The following TENM2 variants were observed in gnomAD, a reference collection of about 807,000 sequenced individuals.
TENM2 encodes the protein teneurin transmembrane protein 2.
Under a neutral mutation model 245.2 loss-of-function variants are expected in TENM2, and 52 were observed. The ratio of observed to expected loss-of-function variants is 0.21; its 90% CI spans 0.17 to 0.27. TENM2 has a LOEUF of 0.27. Ranked by LOEUF, TENM2 falls within the 10% of genes least tolerant of loss-of-function variation. The probability of loss-of-function intolerance (pLI) is 1.00; values close to 1 mark genes in which losing one functional copy is unlikely to be tolerated. For synonymous variants in TENM2, 1,363 were observed against 1,438.9 expected (o/e 0.95, Z 1.19); for missense variants, 3,046 against 3,666.8 (o/e 0.83, Z 4.37).
chr5:167,867,017 A>C (rs531098891), intron 2 of TENM2, among the ~76,000 whole-genome samples: 67 of 152,366 alleles, frequency 4.4e-4, no homozygotes, highest in African/African-American at 1.5e-3. Flanking sequence ...GGACAACTAC[A>C]CATGACCAAC....
intron 5 of TENM2, among the ~76,000 whole-genome samples, chr5:168,015,521 G>C (rs992559046): frequency 3.3e-5 from 5 of 152,230 alleles, no homozygotes; most frequent in Non-Finnish European, 7.3e-5. Context: ...GAATCGGAAA[G>C]AGAAAGAATG....
chr5:167,504,249 C>T (rs1356143752), intron 2 of TENM2, among the ~76,000 whole-genome samples: 2 of 152,088 alleles, frequency 1.3e-5, no homozygotes, highest in African/African-American at 2.4e-5. Flanking sequence ...TAAAGTGAAA[C>T]GTGGACCCCC....
At chr5:167,434,921 T>C (rs1764455187) in intron 2 of TENM2, among the ~76,000 whole-genome samples, 1 of 152,204 alleles carries the variant, frequency 6.6e-6, no homozygotes, top group South Asian at 2.1e-4. Context: ...GTTATTGAGT[T>C]GAATATGTCA....
the TENM2 span, among the ~76,000 whole-genome samples, chr5:167,136,227 TCTCA>T: frequency 6.6e-6 from 1 of 152,228 alleles, no homozygotes; most frequent in Non-Finnish European, 1.5e-5. Flanking sequence ...GTGGTTCTAT[TCTCA>T]CTTTCTCCTC....
chr5:167,357,432 G>A (rs1247469848), intron 1 of TENM2, among the ~76,000 whole-genome samples: 3 of 151,578 alleles, frequency 2.0e-5, no homozygotes, highest in African/African-American at 7.3e-5. Flanking sequence ...ACAGGCATGT[G>A]CCACCACACC....
chr5:166,999,680 A>T, the TENM2 span, among the ~76,000 whole-genome samples: 2 of 152,194 alleles, frequency 1.3e-5, no homozygotes, highest in Admixed American at 6.5e-5. Flanking sequence ...TGGTGGGCAT[A>T]TGGTGGATGG....
At chr5:167,561,877 A>G (rs950817946) in intron 2 of TENM2, among the ~76,000 whole-genome samples, 1 of 152,224 alleles carries the variant, frequency 6.6e-6, no homozygotes, top group Non-Finnish European at 1.5e-5. Context: ...ACATGTATAC[A>G]TTAGAACCGT....
At chr5:167,805,760 G>A (rs1016228740) in intron 2 of TENM2, among the ~76,000 whole-genome samples, 22 of 152,006 alleles carry the variant, frequency 1.4e-4, no homozygotes, top group Admixed American at 1.3e-3. Flanking sequence ...GTGAGGTGGT[G>A]GGCATAGCAT....
chr5:167,838,582 A>G (rs1769214344), intron 2 of TENM2, among the ~76,000 whole-genome samples: 5 of 152,120 alleles, frequency 3.3e-5, no homozygotes, highest in Admixed American at 2.6e-4. Context: ...CATGCTTTCA[A>G]ATTGAAACTA....
chr5:167,052,325 A>G, the TENM2 span, among the ~76,000 whole-genome samples: 2 of 152,154 alleles, frequency 1.3e-5, no homozygotes, highest in Non-Finnish European at 2.9e-5. Flanking sequence ...TCAGCCTGAA[A>G]AAAAGGTTGA....
intron 12 of TENM2, among the ~76,000 whole-genome samples, chr5:168,152,950 G>T (rs554123552): frequency 2.6e-5 from 4 of 152,320 alleles, no homozygotes; most frequent in Admixed American, 2.0e-4. Context: ...CCAGAGGCTT[G>T]GGGTGTGGCC....
chr5:167,456,473 T>TACAC (rs761331287), intron 2 of TENM2, among the ~76,000 whole-genome samples: 1 of 151,252 alleles, frequency 6.6e-6, no homozygotes, highest in African/African-American at 2.4e-5. Context: ...TTGCTATGAA[T>TACAC]ACACACACAC....
intron 2 of TENM2, among the ~76,000 whole-genome samples, chr5:167,801,105 AAAAAATATATATATAT>A (rs1302412438): frequency 3.1e-5 from 2 of 64,606 alleles, no homozygotes; most frequent in Non-Finnish European, 5.6e-5. Context: ...GAAAAAAAAA[AAAAAATATATATATAT>A]ATATATATAT....
intron 2 of TENM2, among the ~76,000 whole-genome samples, chr5:167,385,856 A>ATGTGTGTGTGTGTG (rs60407919): frequency 7.2e-6 from 1 of 139,060 alleles, no homozygotes; most frequent in Non-Finnish European, 1.5e-5. Flanking sequence ...TTATATATAT[A>ATGTGTGTGTGTGTG]TGTGTGTGTG....
At chr5:167,444,421 A>G (rs1435967345) in intron 2 of TENM2, among the ~76,000 whole-genome samples, 1 of 152,184 alleles carries the variant, frequency 6.6e-6, no homozygotes, top group Non-Finnish European at 1.5e-5. Context: ...GGGGACAACT[A>G]AAAGTCAGTA....
the TENM2 span, among the ~76,000 whole-genome samples, chr5:167,137,725 A>T: frequency 6.6e-6 from 1 of 152,272 alleles, no homozygotes; most frequent in South Asian, 2.1e-4. Context: ...AGTAATATGT[A>T]TTTGTTTCTT....
At chr5:168,066,118 C>T (rs182276636) in intron 7 of TENM2, among the ~76,000 whole-genome samples, 132 of 152,308 alleles carry the variant, frequency 8.7e-4, no homozygotes, top group Middle Eastern at 3.4e-3. Context: ...AACTCTGCTT[C>T]GCATGTCCCT....
At chr5:167,909,052 GTTTTC>G (rs1201618548) in intron 3 of TENM2, among the ~76,000 whole-genome samples, 1 of 144,208 alleles carries the variant, frequency 6.9e-6, no homozygotes, top group Non-Finnish European at 1.5e-5. Flanking sequence ...TTATATTTTC[GTTTTC>G]TTTTCTCTCT....
At chr5:167,265,360 A>G in the TENM2 span, among the ~76,000 whole-genome samples, 1 of 149,988 alleles carries the variant, frequency 6.7e-6, no homozygotes, top group Non-Finnish European at 1.5e-5. Flanking sequence ...AAAAAAAAGA[A>G]AGGTGGGCAT....
Sources: allele counts gnomAD v4.1 joint callset (sites outside exome capture counted in the v4.1 genomes callset), GRCh38; gene constraint gnomAD v4.1.1; transcripts MANE v1.5; gene names NCBI Gene and HGNC (gene_info 2026-07-23, HGNC 2026-07-21).